GUCY2D: variants seen among roughly 807,000 people sequenced by gnomAD.
The protein encoded by GUCY2D is retinal guanylyl cyclase 1.
In GUCY2D, 70 loss-of-function variants were observed where a neutral mutation model predicts 101.3. The ratio of observed to expected loss-of-function variants is 0.69; its 90% CI spans 0.57 to 0.84. The LOEUF (loss-of-function observed/expected upper bound fraction) is 0.84, where lower values mean the gene tolerates loss of function less well. GUCY2D is among the 40% of genes least tolerant of loss of function. The pLI, the probability that GUCY2D is intolerant of heterozygous loss-of-function variation, is 0.00. For missense variants in GUCY2D, 1,460 were observed against 1,542.5 expected, an observed-to-expected ratio of 0.95 and a Z score of 0.90; for synonymous variants, 688 against 670.7, an observed-to-expected ratio of 1.03 and a Z score of -0.40.
Position 8,003,187 on chromosome 17 carries a change from C to T in GUCY2D, c.140C>T (p.Pro47Leu), listed in dbSNP as rs1014118881. 13 of 1,517,050 alleles carry T rather than the reference C, an allele frequency of 8.6e-6. No homozygotes were observed. In the African/African-American group the frequency reaches 1.3e-4, roughly 15 times the overall value. 94.0% of individuals were successfully genotyped at this position (1,517,050 alleles called of 1,614,324 possible). A position where few individuals can be genotyped will look rare whatever the true frequency, so the allele number is the denominator to read the frequency against. Residue 47 changes from proline (P) to leucine (L), a missense_variant, in exon 2 of 20, where the codon CCC becomes CTC. Around this residue, in one of 3 missense-constraint regions of GUCY2D, gnomAD observed 1,196 missense variants for 1,229.6 expected, o/e 0.97. Transcript: ENST00000254854. ...CTGCTGCTCCTGCTTCTGCTGCAGC[C>T]CCCCGCCCTCTCCGCCGTGTTCACG... ...PLLLLLLLLQ[P>L]PALSAVFTVG...
intron 14 of GUCY2D, 108 bp downstream of exon 14, chr17:8,015,159 T>C: frequency 8.9e-7 from 1 of 1,124,910 alleles, no homozygotes; most frequent in South Asian, 1.3e-5. Flanking sequence ...TCAATCTTCT[T>C]TCCCAGACCT....
intron 3 of GUCY2D, among the ~76,000 whole-genome samples, chr17:8,004,920 G>T (rs777758286): frequency 6.6e-6 from 1 of 152,090 alleles, no homozygotes; most frequent in Admixed American, 6.5e-5. Context: ...GAGGGGGGAG[G>T]GGTGCAGTGA....
Position 8,007,540 on chromosome 17 carries a change from A to C in GUCY2D, c.1566+12A>C, listed in dbSNP as rs1230554373. The stretch of plus-strand genomic sequence containing the variant: ...GCACCTCTCGAAAGGTGGGGGAGGC[A>C]GAGAGGCAGGAGCCAGTTGTCTTCT... On this transcript the variant is annotated intron_variant, in intron 6 of 19. Transcript: ENST00000254854. The C allele has an allele frequency of 2.0e-6, 3 of 1,511,666 alleles. No homozygotes were observed. Among genetic ancestry groups the C allele is most frequent in the African/African-American group, 1.4e-5 (1 of 72,870 alleles). The allele number at this position is 1,511,666 out of a possible 1,614,324, so 93.6% of individuals were successfully genotyped here. A position where few individuals can be genotyped will look rare whatever the true frequency, so the allele number is the denominator to read the frequency against.
chr17:8,008,213 A>C (rs1975782674), intron 7 of GUCY2D, among the ~76,000 whole-genome samples, 181 bp downstream of exon 7: 1 of 152,170 alleles, frequency 6.6e-6, no homozygotes, highest in Non-Finnish European at 1.5e-5. Flanking sequence ...AAAGGGAAGC[A>C]CCTAGGAATC....
chr17:8,016,349 T>A, intron 18 of GUCY2D, 59 bp downstream of exon 18: 1 of 1,440,470 alleles, frequency 6.9e-7, no homozygotes, highest in African/African-American at 1.4e-5. Flanking sequence ...TCCTGCTCTG[T>A]GTCTGACCCC....
intron 19 of GUCY2D, among the ~76,000 whole-genome samples, chr17:8,018,103 T>C (rs569613224): frequency 6.6e-6 from 1 of 152,350 alleles, no homozygotes; most frequent in African/African-American, 2.4e-5. Flanking sequence ...TCTTGGTGTC[T>C]GTCACCATTG....
rs372011559 is a variant in GUCY2D at position 8,006,395 on chromosome 17, G to C, written c.1059G>C (p.Ala353=). The C allele has an allele frequency of 1.9e-6, 3 of 1,601,200 alleles. No individual in the cohort carries two copies. The highest frequency in any genetic ancestry group is 2.7e-5 in the African/African-American group (2 of 74,924). Residue 353 remains alanine (A), a synonymous_variant, in exon 4 of 20, where the codon GCG becomes GCC. Coordinates refer to ENST00000254854, the MANE Select transcript of GUCY2D (RefSeq NM_000180.4). The part of the protein sequence containing the change: ...VSPLFGTIYD[A]VFLLARGVAE... ...CACTCTTTGGCACCATCTATGACGC[G>C]GTCTTCTTGCTGGCAAGGGGCGTGG...
intron 4 of GUCY2D, 53 bp downstream of exon 4, chr17:8,006,767 A>T: frequency 1.4e-6 from 2 of 1,414,990 alleles, no homozygotes; most frequent in Non-Finnish European, 2.0e-6. Flanking sequence ...GACCATCCAC[A>T]AAGTGATGAA....
In GUCY2D at chr17:8,013,694, T is replaced by G; in HGVS notation, c.2264-186T>G. 3.2e-6 allele frequency: 2 copies of G among 623,554 alleles called. No individual in the cohort carries two copies. The highest frequency in any genetic ancestry group is 5.7e-6 in the Non-Finnish European group (2 of 349,764). 38.6% of individuals were successfully genotyped at this position (623,554 alleles called of 1,614,324 possible). The stretch of plus-strand genomic sequence containing the variant: ...TGACCCCCAGAGTTCGAGGTCCTCT[T>G]GTTCCTCCTAGCAACCCCCTTCCAC... On this transcript the variant is annotated intron_variant, in intron 11 of 19. Coordinates refer to ENST00000254854, the MANE Select transcript of GUCY2D (RefSeq NM_000180.4). This position sits in a 1 kb window ranked among gnomAD's most constrained non-coding sequence, Gnocchi z 5.0.
intron 6 of GUCY2D, 75 bp downstream of exon 6, chr17:8,007,603 C>T (rs966599683): frequency 2.3e-6 from 2 of 884,088 alleles, no homozygotes. Context: ...CCAGTCCCGA[C>T]CCCAGCTCCC....
rs1975893618 is a variant in GUCY2D at position 8,013,266 on chromosome 17, G to C, written c.2263+14G>C. 2 of 1,613,638 alleles carry C rather than the reference G, an allele frequency of 1.2e-6. No individual in the cohort carries two copies. Among genetic ancestry groups the C allele is most frequent in the African/African-American group, 1.3e-5 (1 of 75,046 alleles). On this transcript the variant is annotated intron_variant, in intron 11 of 19. Coordinates refer to ENST00000254854, the MANE Select transcript of GUCY2D (RefSeq NM_000180.4). The surrounding 1 kb of genome is among the most constrained non-coding windows in gnomAD (Gnocchi z 5.0). Reference sequence around the variant, plus strand: ...TCACTCCCGAGGGTAAGGCTGCCCTGTGCGTGGAGTTCGGCCCACAGGGGC... The same window carrying C: ...TCACTCCCGAGGGTAAGGCTGCCCTCTGCGTGGAGTTCGGCCCACAGGGGC...
rs377388031 is a variant in GUCY2D, at chr17:8,014,062, G to T, written c.2412+34G>T. ...CTGGGAGTGGGCAAGGACTGGGCTG[G>T]CCTCTGGGATCCCAGATGCTTGTCA... On this transcript the variant is annotated intron_variant, in intron 12 of 19. Transcript: ENST00000254854. This position sits in a 1 kb window ranked among gnomAD's most constrained non-coding sequence, Gnocchi z 4.0. 14 of 1,596,978 alleles carry T rather than the reference G, an allele frequency of 8.8e-6. No homozygotes were observed. In the East Asian group the frequency reaches 1.6e-4, roughly 18 times the overall value.
At chr17:8,004,522 C>T (rs1975704121) in intron 3 of GUCY2D, among the ~76,000 whole-genome samples, 1 of 152,188 alleles carries the variant, frequency 6.6e-6, no homozygotes, top group South Asian at 2.1e-4. Flanking sequence ...GCCAATCCAA[C>T]CTTCATCCCT....
Position 8,008,865 on chromosome 17 carries a change from C to T in GUCY2D, c.1669-641C>T, listed in dbSNP as rs73978652. Among the ~76,000 whole-genome samples the T allele has an allele frequency of 1.3e-3, 193 of 152,320 alleles. 1 individual carries two copies. Among genetic ancestry groups the T allele is most frequent in the African/African-American group, 4.4e-3 (182 of 41,566 alleles). On this transcript the variant is annotated intron_variant, in intron 7 of 19. Transcript: ENST00000254854. Reference sequence around the variant, plus strand: ...AGGGGTCAGTACTAAACCCCAATTCCCTTCTAAATTCCCTTCTAGTCCAAA... The same window carrying T: ...AGGGGTCAGTACTAAACCCCAATTCTCTTCTAAATTCCCTTCTAGTCCAAA...
chr17:8,007,505 C>A lies in GUCY2D; in HGVS notation c.1543C>A (p.Pro515Thr), dbSNP rs764907748. The A allele has an allele frequency of 6.2e-7, 1 of 1,607,464 alleles. No individual in the cohort carries two copies. Among genetic ancestry groups the A allele is most frequent in the Non-Finnish European group, 8.5e-7 (1 of 1,174,018 alleles). The change falls in exon 6 of 20, where the codon CCA (proline) becomes ACA (threonine). Residue 515 changes from proline to threonine, a missense_variant. Around this residue, in one of 3 missense-constraint regions of GUCY2D, gnomAD observed 1,196 missense variants for 1,229.6 expected, o/e 0.97. Transcript: ENST00000254854. ...LTVDDITFLH[P>T]HGGTSRKVAQ... ...CGTGGACGACATCACCTTTCTCCAC[C>A]CACATGGGGGCACCTCTCGAAAGGT... is the stretch of plus-strand genomic sequence containing the variant.
At chr17:8,015,557 C>T in intron 15 of GUCY2D, 55 bp downstream of exon 15, 1 of 1,517,054 alleles carries the variant, frequency 6.6e-7, no homozygotes, top group Admixed American at 1.8e-5. Context: ...GGGCCTGGCC[C>T]CAGATTTCCT....
Position 8,002,833 on chromosome 17 carries a change from CG to C in GUCY2D, c.-10+102del. Reference sequence around the variant, plus strand: ...GCCTCCGACGGGGGGAGGGGCAGGCCGGGTGGGAGCGGGAAGCCGGGGCGGC... The same window carrying C: ...GCCTCCGACGGGGGGAGGGGCAGGCCGGTGGGAGCGGGAAGCCGGGGCGGC... On this transcript the variant is annotated intron_variant, in intron 1 of 19. Transcript: ENST00000254854. This position sits in a 1 kb window ranked among gnomAD's most constrained non-coding sequence, Gnocchi z 4.9. 1 of 531,908 alleles carries C rather than the reference CG, an allele frequency of 1.9e-6. No individual in the cohort carries two copies. The highest frequency in any genetic ancestry group is 3.3e-6 in the Non-Finnish European group (1 of 303,848). The allele number at this position is 531,908 out of a possible 1,614,324, so 32.9% of individuals were successfully genotyped here.
chr17:8,015,439 G>T lies in GUCY2D; in HGVS notation c.2881G>T (p.Gly961Cys). ...GTCACTGGACATCCTCAGTGCCGTG[G>T]GCACTTTCCGCATGCGCCATATGCC... is the stretch of plus-strand genomic sequence containing the variant. ...NMSLDILSAV[G>C]TFRMRHMPEV... Residue 961 changes from glycine (G) to cysteine (C), a missense_variant, in exon 15 of 20, where the codon GGC becomes TGC. Coordinates refer to ENST00000254854, the MANE Select transcript of GUCY2D (RefSeq NM_000180.4). 1 of 1,613,792 alleles carries T rather than the reference G, an allele frequency of 6.2e-7. No individual in the cohort carries two copies. Among genetic ancestry groups the T allele is most frequent in the South Asian group, 1.1e-5 (1 of 91,082 alleles).
Position 8,003,327 on chromosome 17 carries a change from C to A in GUCY2D, c.280C>A (p.Pro94Thr). Residue 94 changes from proline (P) to threonine (T), a missense_variant, in exon 2 of 20, where the codon CCC (proline) becomes ACC (threonine). By Grantham distance (38) the Pro-to-Thr change is conservative (BLOSUM62 -1). Transcript: ENST00000254854. ...CCGCGACCCCGGCCTGGCAGGCGGT[C>A]CCCGCTTCGAGGTAGCGCTGCTGCC... ...LNRDPGLAGG[P>T]RFEVALLPEP... is the part of the protein sequence containing the mutation. The A allele has an allele frequency of 1.3e-6, 2 of 1,483,020 alleles. No homozygotes were observed. Among genetic ancestry groups the A allele is most frequent in the Non-Finnish European group, 1.8e-6 (2 of 1,123,654 alleles). 91.9% of individuals were successfully genotyped at this position (1,483,020 alleles called of 1,614,324 possible). A position where few individuals can be genotyped will look rare whatever the true frequency, so the allele number is the denominator to read the frequency against.
Sources: allele counts gnomAD v4.1 joint callset (sites outside exome capture counted in the v4.1 genomes callset), GRCh38; gene constraint gnomAD v4.1.1; regional missense constraint gnomAD v4.1.1; non-coding constraint Gnocchi (gnomAD v3.1); transcripts MANE v1.5; gene names NCBI Gene and HGNC (gene_info 2026-07-23, HGNC 2026-07-21).